AGBL4: variants seen among roughly 807,000 people sequenced by gnomAD.
AGBL4 encodes AGBL carboxypeptidase 4.
Under a neutral mutation model 66.4 loss-of-function variants are expected in AGBL4, and 58 were observed. The ratio of observed to expected loss-of-function variants is 0.87; its 90% CI spans 0.71 to 1.09. The LOEUF is 1.09. Ranked by LOEUF, AGBL4 falls within the 50% of genes least tolerant of loss-of-function variation. The probability of loss-of-function intolerance (pLI) is 0.00; values close to 1 mark genes in which losing one functional copy is unlikely to be tolerated. For missense variants in AGBL4, 579 were observed against 631.0 expected (o/e 0.92, Z 0.88); for synonymous variants, 234 against 222.9 (o/e 1.05, Z -0.44).
intron 1 of AGBL4, among the ~76,000 whole-genome samples, chr1:49,990,722 C>G (rs1054994023): frequency 6.6e-6 from 1 of 152,068 alleles, no homozygotes; most frequent in Non-Finnish European, 1.5e-5. Flanking sequence ...GTAATCTTGG[C>G]CAAGCTATTT....
intron 5 of AGBL4, among the ~76,000 whole-genome samples, chr1:48,998,715 G>A (rs1661189300): frequency 6.6e-6 from 1 of 152,200 alleles, no homozygotes; most frequent in African/African-American, 2.4e-5. Context: ...CTATATAACT[G>A]TGGGGAGTAG....
At chr1:49,970,358 A>T (rs1392657403) in intron 1 of AGBL4, among the ~76,000 whole-genome samples, 1 of 152,212 alleles carries the variant, frequency 6.6e-6, no homozygotes, top group Non-Finnish European at 1.5e-5. Flanking sequence ...ATATCTGACA[A>T]AGGATTAATA....
At chr1:49,502,674 G>T (rs745449714) in intron 3 of AGBL4, among the ~76,000 whole-genome samples, 11 of 152,076 alleles carry the variant, frequency 7.2e-5, no homozygotes, top group Non-Finnish European at 1.6e-4. Flanking sequence ...TGTGGATTCA[G>T]GTGGAGATGA....
chr1:49,098,626 G>C (rs561064023), intron 4 of AGBL4, among the ~76,000 whole-genome samples: 1 of 152,326 alleles, frequency 6.6e-6, no homozygotes, highest in Non-Finnish European at 1.5e-5. Flanking sequence ...AGAATGTGAA[G>C]AGCTCTCCAG....
intron 3 of AGBL4, among the ~76,000 whole-genome samples, chr1:49,644,340 C>G (rs1243403725): frequency 6.6e-6 from 1 of 151,514 alleles, no homozygotes; most frequent in Admixed American, 6.6e-5. Context: ...TCCAAACACT[C>G]TAACTAAAAG....
At chr1:49,111,323 A>G (rs911434290) in intron 4 of AGBL4, among the ~76,000 whole-genome samples, 5 of 152,204 alleles carry the variant, frequency 3.3e-5, no homozygotes, top group Admixed American at 6.5e-5. Context: ...CGTGTTAGCC[A>G]GGATGGTCTC....
chr1:49,582,426 G>A (rs1376065132), intron 3 of AGBL4, among the ~76,000 whole-genome samples: 4 of 152,148 alleles, frequency 2.6e-5, no homozygotes, highest in African/African-American at 9.7e-5. Context: ...TTATACTTCA[G>A]TCAGATGAGG....
At chr1:49,069,160 A>T (rs1644550351) in intron 4 of AGBL4, among the ~76,000 whole-genome samples, 1 of 151,790 alleles carries the variant, frequency 6.6e-6, no homozygotes, top group Non-Finnish European at 1.5e-5. Context: ...GATTGCAAAA[A>T]TTTTCTCCCA....
chr1:49,480,660 A>AT (rs1646937861), intron 3 of AGBL4, among the ~76,000 whole-genome samples: 1 of 151,930 alleles, frequency 6.6e-6, no homozygotes, highest in Non-Finnish European at 1.5e-5. Context: ...CCACTTGTCA[A>AT]TTTTTGTTTC....
intron 3 of AGBL4, among the ~76,000 whole-genome samples, chr1:49,481,683 G>C (rs1363082549): frequency 6.6e-6 from 1 of 151,870 alleles, no homozygotes. Context: ...TGGTGAGAGA[G>C]GGCATCCTTG....
At chr1:49,816,248 A>G (rs1645228189) in intron 2 of AGBL4, among the ~76,000 whole-genome samples, 1 of 152,166 alleles carries the variant, frequency 6.6e-6, no homozygotes, top group African/African-American at 2.4e-5. Context: ...TAATACCATC[A>G]TAATTAGAGT....
intron 3 of AGBL4, among the ~76,000 whole-genome samples, chr1:49,645,178 G>A (rs1343161): frequency 0.69 from 103,625 of 151,148 alleles, 36,302 homozygotes; most frequent in African/African-American, 0.78. Flanking sequence ...AGCTTGCATG[G>A]TAAGAGGTAG....
chr1:48,855,720 T>A (rs961705460), intron 6 of AGBL4, among the ~76,000 whole-genome samples: 5 of 152,038 alleles, frequency 3.3e-5, no homozygotes, highest in African/African-American at 7.2e-5. Flanking sequence ...GGGCAAAACA[T>A]CTAGAAATAA....
At chr1:49,832,849 T>A (rs1385575111) in intron 2 of AGBL4, among the ~76,000 whole-genome samples, 1 of 152,204 alleles carries the variant, frequency 6.6e-6, no homozygotes, top group Non-Finnish European at 1.5e-5. Context: ...GGGTTGTTTT[T>A]TTCTTATAAA....
At chr1:49,580,243 G>A (rs550345719) in intron 3 of AGBL4, among the ~76,000 whole-genome samples, 18 of 152,080 alleles carry the variant, frequency 1.2e-4, no homozygotes, top group South Asian at 4.2e-4. Flanking sequence ...GCATATAGTC[G>A]GATCAAGTTT....
intron 3 of AGBL4, among the ~76,000 whole-genome samples, chr1:49,673,435 T>G (rs940863704): frequency 3.3e-5 from 5 of 152,162 alleles, no homozygotes; most frequent in African/African-American, 1.2e-4. Context: ...TTGTATATTT[T>G]AAAATAATTT....
chr1:49,914,682 C>T (rs1571860138), intron 1 of AGBL4, among the ~76,000 whole-genome samples: 1 of 152,164 alleles, frequency 6.6e-6, no homozygotes, highest in African/African-American at 2.4e-5. Flanking sequence ...GTGATGACAA[C>T]AGCCTGAGAT....
intron 9 of AGBL4, among the ~76,000 whole-genome samples, chr1:48,630,037 C>T (rs1443948845): frequency 6.6e-6 from 1 of 152,162 alleles, no homozygotes; most frequent in Non-Finnish European, 1.5e-5. Context: ...GATGAGTTAA[C>T]CAGACCCTTT....
chr1:49,733,579 C>G (rs1649624243), intron 2 of AGBL4, among the ~76,000 whole-genome samples: 1 of 152,100 alleles, frequency 6.6e-6, no homozygotes, highest in Non-Finnish European at 1.5e-5. Context: ...TGGTGAGAGC[C>G]TGAGTTGTAG....
Sources: gnomAD v4.1 joint callset for allele counts (sites outside exome capture counted in the v4.1 genomes callset) on GRCh38, gnomAD v4.1.1 for gene constraint, MANE v1.5 for transcripts, NCBI Gene and HGNC (gene_info 2026-07-23, HGNC 2026-07-21) for gene names.